Variants in PSG11 observed in about 807,000 individuals in gnomAD.
PSG11 encodes the protein pregnancy specific beta-1-glycoprotein 11.
A neutral mutation model predicts 36.0 loss-of-function variants in PSG11; 42 were observed. The ratio of observed to expected loss-of-function variants is 1.17; its 90% CI spans 0.91 to 1.51. PSG11 has a LOEUF of 1.51. Among genes scored for constraint, PSG11 ranks in the 40% most tolerant of loss-of-function variants. The pLI, the probability that PSG11 is intolerant of heterozygous loss-of-function variation, is 0.00. For missense variants in PSG11, 558 were observed against 403.5 expected (o/e 1.38, Z -3.28); for synonymous variants, 206 against 153.5 (o/e 1.34, Z -2.53).
intron 4 of PSG11, 128 bp downstream of exon 4, chr19:43,014,988 G>T: frequency 6.3e-7 from 1 of 1,576,906 alleles, no homozygotes; most frequent in South Asian, 1.2e-5. Flanking sequence ...GGTTCAGGAG[G>T]AGAATTTGGG....
intron 1 of PSG11, among the ~76,000 whole-genome samples, chr19:43,025,823 T>TA (rs1363282232): frequency 6.7e-6 from 1 of 149,872 alleles, no homozygotes; most frequent in African/African-American, 2.5e-5. Context: ...TCCTACCTCT[T>TA]ACCAATTCCG....
intron 4 of PSG11, among the ~76,000 whole-genome samples, chr19:43,011,234 G>A (rs142063739): frequency 1.3e-5 from 2 of 151,232 alleles, no homozygotes; most frequent in East Asian, 1.9e-4. Context: ...TAAAAGAATG[G>A]TACGAAGAAA....
intron 2 of PSG11, among the ~76,000 whole-genome samples, chr19:43,022,448 T>A (rs866234511): frequency 7.3e-5 from 11 of 151,348 alleles, no homozygotes; most frequent in South Asian, 2.1e-4. Context: ...ACTCATTTTT[T>A]AGTCCTGTGC....
At chr19:43,016,602 A>T (rs1362411802) in intron 3 of PSG11, among the ~76,000 whole-genome samples, 1 of 149,842 alleles carries the variant, frequency 6.7e-6, no homozygotes, top group Non-Finnish European at 1.5e-5. Context: ...CCTGGAGGTC[A>T]GTTCAGTCAT....
chr19:43,007,859 G>A lies in PSG11; in HGVS notation c.*224C>T, dbSNP rs1304361120. 1 of 333,888 alleles carries A rather than the reference G, an allele frequency of 3.0e-6. No individual in the cohort carries two copies. The highest frequency in any genetic ancestry group is 5.7e-6 in the Non-Finnish European group (1 of 174,402). The allele number at this position is 333,888 out of a possible 1,614,324, so 20.7% of individuals were successfully genotyped here. A position where few individuals can be genotyped will look rare whatever the true frequency, so the allele number is the denominator to read the frequency against. On this transcript the variant is annotated 3_prime_UTR_variant, in exon 6 of 6. Transcript: ENST00000320078. ...AGCACATTTTCCAATAAAAAATTAT[G>A]AAAACATTATCCTTTTGTTATTTAG...
intron 3 of PSG11, chr19:43,015,649 A>T (rs1966944572): frequency 1.3e-6 from 2 of 1,520,854 alleles, no homozygotes. Flanking sequence ...AGTCATGGCC[A>T]CCTCGGATGT....
Position 43,014,546 on chromosome 19 carries a change from C to G in PSG11, c.964+570G>C, listed in dbSNP as rs1264878646. 60 of 986,848 alleles carry G rather than the reference C, an allele frequency of 6.1e-5. 4 individuals carry two copies. In the Admixed American group the frequency reaches 3.5e-3, roughly 58 times the overall value. 61.1% of individuals were successfully genotyped at this position (986,848 alleles called of 1,614,324 possible). A position where few individuals can be genotyped will look rare whatever the true frequency, so the allele number is the denominator to read the frequency against. ...ACTGGCAGCTCAATTTAGCCAAATT[C>G]AGGACAGGCCACCAGGACTCTTTCT... On this transcript the variant is annotated intron_variant, in intron 4 of 5. Coordinates refer to ENST00000320078, the MANE Select transcript of PSG11 (RefSeq NM_002785.3).
chr19:43,008,611 T>C (rs2122778331), intron 5 of PSG11, among the ~76,000 whole-genome samples: 1 of 151,332 alleles, frequency 6.6e-6, no homozygotes, highest in East Asian at 1.9e-4. Context: ...CCATAAATAT[T>C]ATTTAGAGAA....
intron 2 of PSG11, among the ~76,000 whole-genome samples, chr19:43,024,231 A>C (rs546277800): frequency 6.6e-6 from 1 of 151,462 alleles, no homozygotes; most frequent in South Asian, 2.1e-4. Flanking sequence ...CCTGCCCAAG[A>C]AGCCACAACC....
chr19:43,015,672 G>T, intron 3 of PSG11: 6 of 1,555,214 alleles, frequency 3.9e-6, no homozygotes, highest in Admixed American at 1.9e-5. Context: ...AAAAGTAAAG[G>T]TGTCTGTACT....
In PSG11 at chr19:43,008,059, T is replaced by A; in HGVS notation, c.*41-17A>T. The A allele has an allele frequency of 2.7e-6, 1 of 371,168 alleles. No individual in the cohort carries two copies. The highest frequency in any genetic ancestry group is 5.1e-6 in the Non-Finnish European group (1 of 197,292). 23.0% of individuals were successfully genotyped at this position (371,168 alleles called of 1,614,324 possible). On this transcript the variant is annotated splice_polypyrimidine_tract_variant and intron_variant, in intron 5 of 5. Transcript: ENST00000320078. ...ATAAATCTCCTTGAAGAAAAAGCAATTTTGGACTGTAGCTGATTTTAAATA... is the reference window on the plus strand; with the variant it reads ...ATAAATCTCCTTGAAGAAAAAGCAAATTTGGACTGTAGCTGATTTTAAATA...
intron 4 of PSG11, chr19:43,014,889 C>T: frequency 7.1e-7 from 1 of 1,399,814 alleles, no homozygotes; most frequent in Non-Finnish European, 9.5e-7. Context: ...GATAAAGCCC[C>T]CTCCCTACCT....
At chr19:43,026,151 T>C (rs895257838) in intron 1 of PSG11, among the ~76,000 whole-genome samples, 158 bp downstream of exon 1, 13 of 150,210 alleles carry the variant, frequency 8.7e-5, no homozygotes, top group Middle Eastern at 3.4e-3. Context: ...CTCTGTTGGC[T>C]GGACTGATCT....
chr19:43,018,617 T>C (rs1328498794), intron 3 of PSG11, 153 bp downstream of exon 3: 5 of 1,540,134 alleles, frequency 3.2e-6, no homozygotes, highest in Admixed American at 1.7e-5. Flanking sequence ...CTAGGCCTAC[T>C]GTGGTTTGTC....
chr19:43,010,662 T>C (rs1974051628), intron 4 of PSG11: 2 of 234,122 alleles, frequency 8.5e-6, no homozygotes. Context: ...GAATCAGCTC[T>C]GCATAGTGGT....
chr19:43,018,639 G>T, intron 3 of PSG11, 131 bp downstream of exon 3: 1 of 1,587,784 alleles, frequency 6.3e-7, no homozygotes, highest in Non-Finnish European at 8.6e-7. Context: ...GGGGCAGAAA[G>T]TCATGGCCAG....
At position 43,019,019 on chromosome 19, in the gene PSG11, T is replaced by C; in HGVS notation, c.460A>G (p.Ser154Gly). Residue 154 changes from serine (S) to glycine (G), a missense_variant, in exon 3 of 6, where the codon AGC becomes GGC. Transcript: ENST00000320078. The part of the protein sequence containing the change: ...LETPKPSISS[S>G]NLNPREAMET... Reference sequence around the variant, plus strand: ...ATGGCCTCCCTGGGGTTTAAGTTGCTGCTGGAGATGGAGGGCTTGGGAGTC... The same window carrying C: ...ATGGCCTCCCTGGGGTTTAAGTTGCCGCTGGAGATGGAGGGCTTGGGAGTC... The C allele has an allele frequency of 1.2e-6, 2 of 1,611,962 alleles. No individual in the cohort carries two copies. Among genetic ancestry groups the C allele is most frequent in the Non-Finnish European group, 1.7e-6 (2 of 1,179,084 alleles).
In PSG11 at chr19:43,026,229, C is replaced by T. The variant is rs1042518712; in HGVS notation, c.64+80G>A. ...ATGCTGGCTTTTTTATTTTTTAGAACCCCAGGAGCCTCTCCAGGAGACCCC... is the reference window on the plus strand; with the variant it reads ...ATGCTGGCTTTTTTATTTTTTAGAATCCCAGGAGCCTCTCCAGGAGACCCC... On this transcript the variant is annotated intron_variant, in intron 1 of 5. Coordinates refer to ENST00000320078, the MANE Select transcript of PSG11 (RefSeq NM_002785.3). 1.9e-6 allele frequency: 3 copies of T among 1,587,872 alleles called. 1 individual carries two copies. In the Admixed American group the frequency reaches 5.1e-5, roughly 27 times the overall value.
chr19:43,024,338 T>G, intron 2 of PSG11: 1 of 353,890 alleles, frequency 2.8e-6, no homozygotes, highest in Non-Finnish European at 5.1e-6. Flanking sequence ...TCTGAGAGTA[T>G]CTCAGGGGCC....
Sources: gnomAD v4.1 joint callset for allele counts (sites outside exome capture counted in the v4.1 genomes callset) on GRCh38, gnomAD v4.1.1 for gene constraint, MANE v1.5 for transcripts, NCBI Gene and HGNC (gene_info 2026-07-23, HGNC 2026-07-21) for gene names.